NREP: variants seen among roughly 807,000 people sequenced by gnomAD.
NREP encodes neuronal regeneration related protein, also known as neuronal regeneration-related protein.
A neutral mutation model predicts 8.6 loss-of-function variants in NREP; 5 were observed. The ratio of observed to expected loss-of-function variants is 0.58; its 90% confidence interval spans 0.30 to 1.22. The LOEUF (loss-of-function observed/expected upper bound fraction) is 1.22, where lower values mean the gene tolerates loss of function less well. Ranked by LOEUF, NREP falls within the 50% of genes most tolerant of loss-of-function variation. NREP has a pLI of 0.07. For synonymous variants in NREP, 27 were observed against 28.0 expected (o/e 0.96, Z 0.11); for missense variants, 86 against 82.5 (o/e 1.04, Z -0.17).
At chr5:111,834,385 C>T (rs1752845027) in intron 2 of NREP, among the ~76,000 whole-genome samples, 1 of 152,088 alleles carries the variant, frequency 6.6e-6, no homozygotes, top group African/African-American at 2.4e-5. Flanking sequence ...AAAGTAGAAC[C>T]ATACATTTTG....
chr5:111,746,210 T>A (rs990910389), intron 2 of NREP, among the ~76,000 whole-genome samples: 4 of 151,978 alleles, frequency 2.6e-5, no homozygotes, highest in African/African-American at 9.7e-5. Context: ...CCTCATATAG[T>A]AAAATTAAAG....
intron 2 of NREP, among the ~76,000 whole-genome samples, chr5:111,807,138 A>C (rs916943658): frequency 4.6e-5 from 7 of 152,136 alleles, no homozygotes; most frequent in Admixed American, 1.3e-4. Context: ...CAAAAAAAAA[A>C]CTTCATGTTT....
chr5:111,860,581 A>G (rs775217794), intron 2 of NREP, among the ~76,000 whole-genome samples: 6 of 151,952 alleles, frequency 3.9e-5, no homozygotes, highest in Non-Finnish European at 8.8e-5. Flanking sequence ...CTCTCCTTCA[A>G]TCTGTCATAA....
At chr5:111,885,768 T>C (rs953841858) in intron 2 of NREP, among the ~76,000 whole-genome samples, 1 of 152,196 alleles carries the variant, frequency 6.6e-6, no homozygotes, top group Admixed American at 6.5e-5. Flanking sequence ...TGGCTAGCCA[T>C]ATGTAGAAAG....
intron 2 of NREP, among the ~76,000 whole-genome samples, chr5:111,848,910 T>A (rs1205922030): frequency 2.0e-5 from 3 of 152,150 alleles, no homozygotes; most frequent in African/African-American, 4.8e-5. Context: ...CTTCAATAAA[T>A]GATAGCTTTG....
rs772300751 is a variant in NREP at position 111,731,023 on chromosome 5, T to C, written c.105A>G (p.Glu35=). 3.1e-6 allele frequency: 5 copies of C among 1,613,826 alleles called. No homozygotes were observed. The highest frequency in any genetic ancestry group is 4.2e-6 in the Non-Finnish European group (5 of 1,179,848). ...TCTCATCGTTCTTCTTGCGGTTCAC[T>C]TCCTTTGGGACAGGAAGTCTTCCCT... ...LPKGRLPVPK[E]VNRKKNDETN... Residue 35 remains glutamate, a synonymous_variant, in exon 4 of 4, where the codon GAA becomes GAG. Transcript: ENST00000257435.
chr5:111,919,688 C>T (rs760961969), intron 2 of NREP, among the ~76,000 whole-genome samples: 7 of 151,886 alleles, frequency 4.6e-5, no homozygotes, highest in Non-Finnish European at 1.0e-4. Flanking sequence ...CACATGGACA[C>T]GGGGAAGGGA....
Position 111,933,336 on chromosome 5 carries a change from A to C in NREP, c.135+41938T>G, listed in dbSNP as rs138070537. On this transcript the variant is annotated intron_variant, in intron 2 of 3. Transcript: ENST00000395634. The stretch of plus-strand genomic sequence containing the variant: ...TCCTTAGTCAGTATCCTTAGTAGGA[A>C]GGAGACATGCTGTCATTTAGGTATT... Among the ~76,000 whole-genome samples, 7 of 152,254 alleles carry C rather than the reference A, an allele frequency of 4.6e-5. No individual in the cohort carries two copies. The East Asian group carries it at 1.2e-3, about 25-fold the overall frequency.
At chr5:111,829,844 A>G (rs1752721154) in intron 2 of NREP, among the ~76,000 whole-genome samples, 1 of 152,184 alleles carries the variant, frequency 6.6e-6, no homozygotes, top group East Asian at 1.9e-4. Context: ...CTTCACCCAC[A>G]TAGCGTGCCA....
intron 2 of NREP, among the ~76,000 whole-genome samples, chr5:111,882,586 C>T (rs1320720513): frequency 4.6e-5 from 7 of 152,286 alleles, no homozygotes; most frequent in South Asian, 2.1e-4. Context: ...GAGAGAAAGG[C>T]TGGGTTACCC....
intron 2 of NREP, chr5:111,846,570 T>C (rs1445502635): frequency 6.6e-6 from 1 of 152,014 alleles, no homozygotes; most frequent in African/African-American, 2.4e-5. Flanking sequence ...TGACCTTCTC[T>C]TGAGCATCTT....
chr5:111,798,383 T>C (rs1390828816), intron 2 of NREP, among the ~76,000 whole-genome samples: 1 of 152,180 alleles, frequency 6.6e-6, no homozygotes, highest in African/African-American at 2.4e-5. Flanking sequence ...ATTTTTTTAT[T>C]TCAATAGGTG....
intron 2 of NREP, among the ~76,000 whole-genome samples, chr5:111,927,030 C>T (rs983833505): frequency 3.0e-4 from 45 of 151,974 alleles, no homozygotes; most frequent in Non-Finnish European, 1.5e-5. Flanking sequence ...ATAGATGGAT[C>T]TCGGGAGAGA....
At chr5:111,890,988 T>C (rs1198702085) in intron 2 of NREP, among the ~76,000 whole-genome samples, 1 of 152,248 alleles carries the variant, frequency 6.6e-6, no homozygotes, top group African/African-American at 2.4e-5. Flanking sequence ...TGAATTCTTC[T>C]CCTGAAAATG....
rs76689003 is a variant in NREP at position 111,914,203 on chromosome 5, C to T, written c.135+61071G>A. On this transcript the variant is annotated intron_variant, in intron 2 of 3. Coordinates refer to the NREP transcript ENST00000395634. ...AAGTAGAGGTTCCTCTTCAAAGAGA[C>T]TCCTCCCTGTCCAATTAGGAATAAA... Among the ~76,000 whole-genome samples, 799 of 152,198 alleles carry T rather than the reference C, an allele frequency of 5.2e-3. 11 individuals carry two copies. Among genetic ancestry groups the T allele is most frequent in the African/African-American group, 0.018 (764 of 41,538 alleles).
intron 2 of NREP, among the ~76,000 whole-genome samples, chr5:111,947,472 T>C (rs1561362226): frequency 6.6e-6 from 1 of 151,988 alleles, no homozygotes; most frequent in Non-Finnish European, 1.5e-5. Flanking sequence ...TATATATAAA[T>C]TGTATTATGC....
chr5:111,911,834 G>A (rs1173057937), intron 2 of NREP, among the ~76,000 whole-genome samples: 5 of 152,024 alleles, frequency 3.3e-5, no homozygotes, highest in Non-Finnish European at 1.5e-5. Context: ...TATACTCATT[G>A]CCTACCTACT....
At chr5:111,804,304 T>G (rs539122286) in intron 2 of NREP, among the ~76,000 whole-genome samples, 1 of 152,294 alleles carries the variant, frequency 6.6e-6, no homozygotes, top group African/African-American at 2.4e-5. Context: ...AATAAACGAT[T>G]TGGAATAACT....
intron 2 of NREP, among the ~76,000 whole-genome samples, chr5:111,779,586 G>A (rs1751444664): frequency 6.6e-6 from 1 of 152,194 alleles, no homozygotes; most frequent in African/African-American, 2.4e-5. Context: ...AAGAAAGGGG[G>A]TAAGGGCAGT....
Sources: gnomAD v4.1 joint callset for allele counts (sites outside exome capture counted in the v4.1 genomes callset) on GRCh38, gnomAD v4.1.1 for gene constraint, MANE v1.5 for transcripts, NCBI Gene and HGNC (gene_info 2026-07-23, HGNC 2026-07-21) for gene names.